CSDC2: variants seen among roughly 807,000 people sequenced by gnomAD.
CSDC2 encodes the protein cold shock domain-containing protein C2.
CSDC2 carries 8 observed loss-of-function variants against 15.8 expected under a neutral mutation model. The observed-to-expected ratio is 0.51, with a 90% CI of 0.30 to 0.92. The LOEUF (loss-of-function observed/expected upper bound fraction) is 0.92. Ranked by LOEUF, CSDC2 falls within the 40% of genes least tolerant of loss-of-function variation. The pLI, the probability that CSDC2 is intolerant of heterozygous loss-of-function variation, is 0.07. For missense variants in CSDC2, 195 were observed against 213.3 expected (o/e 0.91, Z 0.53); for synonymous variants, 96 against 92.3 (o/e 1.04, Z -0.23).
intron 1 of CSDC2, among the ~76,000 whole-genome samples, chr22:41,571,191 A>G (rs1224061481): frequency 2.0e-5 from 3 of 151,872 alleles, no homozygotes; most frequent in Admixed American, 2.0e-4. Flanking sequence ...CATCTCTACT[A>G]AAAATACAAA....
intron 1 of CSDC2, among the ~76,000 whole-genome samples, chr22:41,562,615 G>T: frequency 6.6e-6 from 1 of 152,102 alleles, no homozygotes; most frequent in East Asian, 1.9e-4. Flanking sequence ...AGCCAGTCTG[G>T]AGTAGAGCCC....
intron 1 of CSDC2, among the ~76,000 whole-genome samples, chr22:41,570,450 G>C (rs941790552): frequency 3.3e-5 from 5 of 152,180 alleles, no homozygotes; most frequent in African/African-American, 1.2e-4. Flanking sequence ...GGGTGTTCAG[G>C]CTTTCTGAGC....
intron 1 of CSDC2, among the ~76,000 whole-genome samples, chr22:41,569,501 A>G (rs1053659583): frequency 1.3e-5 from 2 of 152,178 alleles, no homozygotes; most frequent in African/African-American, 4.8e-5. Context: ...TCAGAGATGG[A>G]ATCATGCCCT....
chr22:41,564,857 G>A (rs1376068458), intron 1 of CSDC2, among the ~76,000 whole-genome samples: 1 of 152,110 alleles, frequency 6.6e-6, no homozygotes, highest in African/African-American at 2.4e-5. Flanking sequence ...CTCAGACTGA[G>A]AGGACTCATG....
In CSDC2 at chr22:41,575,781, C is replaced by T. The variant is rs1040334846; in HGVS notation, c.*886C>T. On this transcript the variant is annotated 3_prime_UTR_variant, in exon 4 of 4. Coordinates refer to ENST00000306149, the MANE Select transcript of CSDC2 (RefSeq NM_014460.4). ...GACGGACACACGTCCGGGGCACCCA[C>T]GAGGAGGGCCCCCAGCCTGGGAGAC... 1 of 152,304 alleles carries T rather than the reference C, an allele frequency of 6.6e-6. No individual in the cohort carries two copies. The highest frequency in any genetic ancestry group is 1.5e-5 in the Non-Finnish European group (1 of 68,094). The allele number at this position is 152,304 out of a possible 1,614,324, so 9.4% of individuals were successfully genotyped here.
Position 41,573,748 on chromosome 22 carries a change from G to C in CSDC2, c.270G>C (p.Gly90=), listed in dbSNP as rs377422891. 2.4e-5 allele frequency: 39 copies of C among 1,613,634 alleles called. No homozygotes were observed. In the African/African-American group the frequency reaches 5.1e-4, roughly 21 times the overall value. The change falls in exon 3 of 4, where the codon GGG becomes GGC. Residue 90 remains glycine (G), a synonymous_variant. Transcript: ENST00000306149. ...QGHGFITPEN[G]SEDIFVHVSD... is the part of the protein sequence containing the mutation. Reference sequence around the variant, plus strand: ...ATGGCTTCATCACCCCCGAGAACGGGTCCGAGGACATCTTCGTACATGTGT... The same window carrying C: ...ATGGCTTCATCACCCCCGAGAACGGCTCCGAGGACATCTTCGTACATGTGT...
At chr22:41,572,332 C>T (rs1263304871) in intron 2 of CSDC2, among the ~76,000 whole-genome samples, 191 bp downstream of exon 2, 1 of 105,208 alleles carries the variant, frequency 9.5e-6, no homozygotes, top group Non-Finnish European at 1.8e-5. Flanking sequence ...ATCCATCCAT[C>T]CATCCATCCA....
At chr22:41,565,393 T>C (rs1309782444) in intron 1 of CSDC2, among the ~76,000 whole-genome samples, 2 of 143,026 alleles carry the variant, frequency 1.4e-5, no homozygotes, top group Non-Finnish European at 3.0e-5. Flanking sequence ...GATGTTGCAG[T>C]GAGCCGAGAT....
rs934467528 is a variant in CSDC2 at position 41,561,191 on chromosome 22, G to C, written c.-124+8G>C. 6.6e-6 allele frequency: 1 copy of C among 152,598 alleles called. No homozygotes were observed. Among genetic ancestry groups the C allele is most frequent in the African/African-American group, 2.4e-5 (1 of 41,484 alleles). 9.5% of individuals were successfully genotyped at this position (152,598 alleles called of 1,614,324 possible). On this transcript the variant is annotated splice_region_variant and intron_variant, in intron 1 of 3. Transcript: ENST00000306149. Reference sequence around the variant, plus strand: ...CCCAGCTGCCCAGGAGAGGTGAGGGGCTAGATGGGGCCTGAGGACACTGTG... The same window carrying C: ...CCCAGCTGCCCAGGAGAGGTGAGGGCCTAGATGGGGCCTGAGGACACTGTG...
chr22:41,576,598 C>T lies in CSDC2; in HGVS notation c.*1703C>T, dbSNP rs1426805925. ...TGCAGTGCTCATTTGGAATTCCTCCCAAGACCCCTGGCCACCCAGACCCCC... is the reference window on the plus strand; with the variant it reads ...TGCAGTGCTCATTTGGAATTCCTCCTAAGACCCCTGGCCACCCAGACCCCC... On this transcript the variant is annotated 3_prime_UTR_variant, in exon 4 of 4. Transcript: ENST00000306149. The T allele has an allele frequency of 6.5e-6, 1 of 154,626 alleles. No individual in the cohort carries two copies. The highest frequency in any genetic ancestry group is 1.4e-5 in the Non-Finnish European group (1 of 70,070). The allele number at this position is 154,626 out of a possible 1,614,324, so 9.6% of individuals were successfully genotyped here.
At chr22:41,573,835 T>C in intron 3 of CSDC2, 58 bp downstream of exon 3, 1 of 1,563,332 alleles carries the variant, frequency 6.4e-7, no homozygotes, top group South Asian at 1.1e-5. Flanking sequence ...CAATGGTGCC[T>C]CAAAAATGGC....
rs1181466035 is a variant in CSDC2 at position 41,575,180 on chromosome 22, C to T, written c.*285C>T. On this transcript the variant is annotated 3_prime_UTR_variant, in exon 4 of 4. Transcript: ENST00000306149. The stretch of plus-strand genomic sequence containing the variant: ...TCTCCTCCCCTCCCTGCCGCAGACA[C>T]GCAGGACCCGCTCGCCCTCCTGCTT... The T allele has an allele frequency of 1.3e-4, 63 of 492,748 alleles. No individual in the cohort carries two copies. In the East Asian group the frequency reaches 2.0e-3, roughly 16 times the overall value. 30.5% of individuals were successfully genotyped at this position (492,748 alleles called of 1,614,324 possible).
At chr22:41,564,767 G>A (rs1259778174) in intron 1 of CSDC2, among the ~76,000 whole-genome samples, 1 of 152,172 alleles carries the variant, frequency 6.6e-6, no homozygotes. Context: ...GAAGAGAAAG[G>A]TGAGGTCCAG....
At position 41,574,845 on chromosome 22, in the gene CSDC2, G is replaced by C; in HGVS notation, c.412G>C (p.Ala138Pro). 6.2e-7 allele frequency: 1 copy of C among 1,611,576 alleles called. No homozygotes were observed. The highest frequency in any genetic ancestry group is 8.5e-7 in the Non-Finnish European group (1 of 1,179,156). ...QAVEVVLTQL[A>P]PHTPHETWSG... is the part of the protein sequence containing the mutation. ...CGTGGAGGTGGTGCTCACTCAGCTG[G>C]CCCCCCACACTCCCCACGAGACGTG... Residue 138 changes from alanine (A) to proline (P), a missense_variant, in exon 4 of 4, where the codon GCC (alanine) becomes CCC (proline). Transcript: ENST00000306149.
intron 1 of CSDC2, among the ~76,000 whole-genome samples, chr22:41,564,336 T>C (rs111989867): frequency 0.012 from 1,878 of 151,942 alleles, 38 homozygotes; most frequent in African/African-American, 0.042. Flanking sequence ...CTCGGCTCAC[T>C]GCAAGCTCCG....
chr22:41,573,420 ACTC>A (rs1412343987), intron 2 of CSDC2, among the ~76,000 whole-genome samples: 2 of 151,524 alleles, frequency 1.3e-5, no homozygotes, highest in African/African-American at 4.9e-5. Flanking sequence ...CTGGTCTCAA[ACTC>A]CTAGGCCCAA....
chr22:41,566,966 G>T (rs567690200), intron 1 of CSDC2, among the ~76,000 whole-genome samples: 7 of 151,620 alleles, frequency 4.6e-5, no homozygotes, highest in Non-Finnish European at 1.0e-4. Flanking sequence ...AAACTGGGTT[G>T]CAGTGGAACA....
Position 41,564,091 on chromosome 22 carries a change from A to G in CSDC2, c.-124+2908A>G, listed in dbSNP as rs1414325257. ...ACAGCAAGACTCCATCTCAATTAAA[A>G]AAAAAAAAAAAGAAGAAGAAGAATG... On this transcript the variant is annotated intron_variant, in intron 1 of 3. Transcript: ENST00000306149. 4.7e-5 allele frequency among the ~76,000 whole-genome samples: 7 copies of G among 147,536 alleles called. No individual in the cohort carries two copies. In the East Asian group the frequency reaches 1.4e-3, roughly 29 times the overall value.
At chr22:41,563,036 C>T (rs2067096052) in intron 1 of CSDC2, among the ~76,000 whole-genome samples, 1 of 152,160 alleles carries the variant, frequency 6.6e-6, no homozygotes, top group African/African-American at 2.4e-5. Context: ...GGTTTCCCCA[C>T]CACCACCCAA....
Sources: gnomAD v4.1 joint callset for allele counts (sites outside exome capture counted in the v4.1 genomes callset) on GRCh38, gnomAD v4.1.1 for gene constraint, MANE v1.5 for transcripts, NCBI Gene and HGNC (gene_info 2026-07-23, HGNC 2026-07-21) for gene names.